ZC3H15: variants seen among roughly 807,000 people sequenced by gnomAD.
ZC3H15 encodes the protein zinc finger CCCH domain-containing protein 15.
Under a neutral mutation model 51.2 loss-of-function variants are expected in ZC3H15, and 15 were observed. That is an observed-to-expected ratio of 0.29 (90% CI 0.20 to 0.45). The LOEUF (loss-of-function observed/expected upper bound fraction) is 0.45, where lower values mean the gene tolerates loss of function less well. Ranked by LOEUF, ZC3H15 falls within the 20% of genes least tolerant of loss-of-function variation. ZC3H15 has a pLI of 1.00. For synonymous variants in ZC3H15, 144 were observed against 162.8 expected, an observed-to-expected ratio of 0.88 and a Z score of 0.88; for missense variants, 381 against 494.7, an observed-to-expected ratio of 0.77 and a Z score of 2.18.
At chr2:186,494,613 C>A (rs1458992090) in intron 1 of ZC3H15, among the ~76,000 whole-genome samples, 2 of 152,150 alleles carry the variant, frequency 1.3e-5, no homozygotes, top group Non-Finnish European at 2.9e-5. Context: ...GACTTCTTAT[C>A]CCAATATAAG....
At chr2:186,508,179 T>C (rs1188433301) in intron 9 of ZC3H15, among the ~76,000 whole-genome samples, 1 of 152,124 alleles carries the variant, frequency 6.6e-6, no homozygotes, top group African/African-American at 2.4e-5. Context: ...ATTACAAACA[T>C]TTTTTTGGTT....
chr2:186,497,655 G>C (rs1685304579), intron 2 of ZC3H15, among the ~76,000 whole-genome samples: 1 of 152,134 alleles, frequency 6.6e-6, no homozygotes, highest in Non-Finnish European at 1.5e-5. Context: ...TATGTAAGAA[G>C]AACTCACTTT....
At chr2:186,503,259 TC>T (rs1685415643) in intron 5 of ZC3H15, among the ~76,000 whole-genome samples, 1 of 152,236 alleles carries the variant, frequency 6.6e-6, no homozygotes, top group Non-Finnish European at 1.5e-5. Flanking sequence ...TACAATTGTA[TC>T]TTCTATCCAT....
Position 186,504,091 on chromosome 2 carries a change from C to T in ZC3H15, c.594C>T (p.Cys198=), listed in dbSNP as rs762141049. Residue 198 remains cysteine, a synonymous_variant, in exon 6 of 10, where the codon TGC becomes TGT. Coordinates refer to ENST00000337859, the MANE Select transcript of ZC3H15 (RefSeq NM_018471.3). ...ACAAGTATGGCTGGTTTTGGGTATG[C>T]CCTGGAGGGGGTGATATTTGCATGT... ...ENNKYGWFWV[C]PGGGDICMYR... is the part of the protein sequence containing the mutation. The T allele has an allele frequency of 1.9e-6, 3 of 1,608,966 alleles. No homozygotes were observed. Among genetic ancestry groups the T allele is most frequent in the Non-Finnish European group, 2.5e-6 (3 of 1,177,462 alleles).
chr2:186,487,294 A>G (rs2105583032), intron 1 of ZC3H15: 1 of 152,330 alleles, frequency 6.6e-6, no homozygotes, highest in South Asian at 2.1e-4. Context: ...CAACAACTGA[A>G]TTGAGTTTCC....
chr2:186,491,504 A>G (rs544765695), intron 1 of ZC3H15, among the ~76,000 whole-genome samples: 1 of 152,328 alleles, frequency 6.6e-6, no homozygotes, highest in East Asian at 1.9e-4. Context: ...GTCTGCCTCT[A>G]GAGTCCTTGC....
At chr2:186,503,602 T>C (rs1299831587) in intron 5 of ZC3H15, among the ~76,000 whole-genome samples, 1 of 152,174 alleles carries the variant, frequency 6.6e-6, no homozygotes, top group Non-Finnish European at 1.5e-5. Context: ...GGTCTTGAAC[T>C]CCTGACCTCA....
intron 1 of ZC3H15, chr2:186,489,226 T>C (rs1207238747): frequency 6.6e-6 from 1 of 152,238 alleles, no homozygotes; most frequent in African/African-American, 2.4e-5. Context: ...GCAACATTGA[T>C]ATTTGCTACT....
chr2:186,500,417 A>G (rs778945537), intron 3 of ZC3H15, 124 bp downstream of exon 3: 54 of 848,194 alleles, frequency 6.4e-5, no homozygotes, highest in Non-Finnish European at 9.6e-5. Context: ...ATGTTACTCC[A>G]TCAAAATTAC....
chr2:186,504,885 G>A lies in ZC3H15; in HGVS notation c.718-566G>A, dbSNP rs762943892. ...GAATCAGGTATATTTGAGATGGTTTGTATACTGGTTCTGACACTTGTTAGC... is the reference window on the plus strand; with the variant it reads ...GAATCAGGTATATTTGAGATGGTTTATATACTGGTTCTGACACTTGTTAGC... On this transcript the variant is annotated intron_variant, in intron 6 of 9. Coordinates refer to ENST00000337859, the MANE Select transcript of ZC3H15 (RefSeq NM_018471.3). Among the ~76,000 whole-genome samples, 86 of 152,166 alleles carry A rather than the reference G, an allele frequency of 5.7e-4. 2 individuals carry two copies. Among genetic ancestry groups the A allele is most frequent in the Non-Finnish European group, 1.5e-4 (10 of 68,022 alleles).
At chr2:186,486,484 C>G in intron 1 of ZC3H15, 27 bp downstream of exon 1, 5 of 1,523,924 alleles carry the variant, frequency 3.3e-6, no homozygotes, top group Non-Finnish European at 4.4e-6. Flanking sequence ...CCCCCACTCA[C>G]GCCGCGAGCC....
chr2:186,505,062 G>GTGTTTGTTTGTT (rs10562523), intron 6 of ZC3H15: 1 of 152,460 alleles, frequency 6.6e-6, no homozygotes, highest in Non-Finnish European at 1.5e-5. Flanking sequence ...TGAGGAGTAG[G>GTGTTTGTTTGTT]TGTTTGTTTG....
Position 186,501,442 on chromosome 2 carries a change from C to A in ZC3H15, c.442+17C>A, listed in dbSNP as rs924125151. ...TTGAAAAAGGTAATTTTTTTAAAAA[C>A]ACTCTCTTAAAAATAAATGTTGAAT... On this transcript the variant is annotated intron_variant, in intron 4 of 9. Coordinates refer to ENST00000337859, the MANE Select transcript of ZC3H15 (RefSeq NM_018471.3). 4 of 1,598,282 alleles carry A rather than the reference C, an allele frequency of 2.5e-6. No homozygotes were observed. The highest frequency in any genetic ancestry group is 3.5e-5 in the Admixed American group (2 of 57,380).
At position 186,500,313 on chromosome 2, in the gene ZC3H15, A is replaced by G. The variant is rs755692068; in HGVS notation, c.289+20A>G. On this transcript the variant is annotated intron_variant, in intron 3 of 9. Coordinates refer to ENST00000337859, the MANE Select transcript of ZC3H15 (RefSeq NM_018471.3). ...GTAAAGGTAAACTTAAAATTTCAGA[A>G]GTGTGATTTTTTATCAAATGTAGTT... The G allele has an allele frequency of 1.3e-6, 2 of 1,566,128 alleles. No individual in the cohort carries two copies. The highest frequency in any genetic ancestry group is 8.7e-7 in the Non-Finnish European group (1 of 1,152,518).
At chr2:186,501,230 C>T (rs1482157964) in intron 3 of ZC3H15, 43 bp from the exon 4 acceptor site, 1 of 1,518,146 alleles carries the variant, frequency 6.6e-7, no homozygotes, top group African/African-American at 1.4e-5. Context: ...TACTTTACAG[C>T]CTGGCAGATT....
chr2:186,486,347 T>G lies in ZC3H15; in HGVS notation c.-36T>G. 1 of 1,519,302 alleles carries G rather than the reference T, an allele frequency of 6.6e-7. No individual in the cohort carries two copies. Among genetic ancestry groups the G allele is most frequent in the Non-Finnish European group, 8.9e-7 (1 of 1,128,420 alleles). The allele number at this position is 1,519,302 out of a possible 1,614,324, so 94.1% of individuals were successfully genotyped here. ...GCCAGAACCCCTGACGGTATTCAGC[T>G]GCGCGTAAGTCTGGCCGGTGCCATC... On this transcript the variant is annotated 5_prime_UTR_variant, in exon 1 of 10. Transcript: ENST00000337859.
intron 6 of ZC3H15, 68 bp downstream of exon 6, chr2:186,504,282 C>A: frequency 8.0e-7 from 1 of 1,251,166 alleles, no homozygotes; most frequent in Non-Finnish European, 1.0e-6. Flanking sequence ...TAATACTTAC[C>A]ACTTGGGGCA....
At chr2:186,495,169 A>G in intron 1 of ZC3H15, 64 bp from the exon 2 acceptor site, 1 of 871,734 alleles carries the variant, frequency 1.1e-6, no homozygotes, top group Non-Finnish European at 1.7e-6. Flanking sequence ...ATTTTTAGAT[A>G]TCATTGGAGG....
chr2:186,493,119 G>GAA (rs35287348), intron 1 of ZC3H15, among the ~76,000 whole-genome samples: 6 of 142,874 alleles, frequency 4.2e-5, no homozygotes, highest in African/African-American at 1.3e-4. Flanking sequence ...GCAAAATTAT[G>GAA]AAAAAAAAAA....
Sources: allele counts gnomAD v4.1 joint callset (sites outside exome capture counted in the v4.1 genomes callset), GRCh38; gene constraint gnomAD v4.1.1; transcripts MANE v1.5; gene names NCBI Gene and HGNC (gene_info 2026-07-23, HGNC 2026-07-21).